DTX4: variants seen among roughly 807,000 people sequenced by gnomAD.
DTX4 encodes deltex E3 ubiquitin ligase 4, also known as E3 ubiquitin-protein ligase DTX4.
DTX4 carries 28 observed loss-of-function variants against 57.6 expected under a neutral mutation model. The observed-to-expected ratio is 0.49, with a 90% CI of 0.36 to 0.67. The LOEUF is 0.67. Ranked by LOEUF, DTX4 falls within the 30% of genes least tolerant of loss-of-function variation. DTX4 has a pLI of 0.00. For missense variants in DTX4, 715 were observed against 836.8 expected (o/e 0.85, Z 1.80); for synonymous variants, 316 against 331.0 (o/e 0.95, Z 0.49).
intron 7 of DTX4, 133 bp from the exon 8 acceptor site, chr11:59,199,551 T>C (rs1862715348): frequency 6.9e-6 from 5 of 722,028 alleles, no homozygotes; most frequent in Non-Finnish European, 1.2e-5. Context: ...ACAGTGCTTT[T>C]TGGGTCTGTT....
At position 59,182,275 on chromosome 11, in the gene DTX4, C is replaced by A; in HGVS notation, c.748C>A (p.Leu250Met). The A allele has an allele frequency of 6.2e-7, 1 of 1,612,346 alleles. No individual in the cohort carries two copies. The highest frequency in any genetic ancestry group is 1.1e-5 in the South Asian group (1 of 91,054). The change falls in exon 2 of 9, where the codon CTG becomes ATG. Residue 250 changes from leucine to methionine, a missense_variant. By Grantham distance (15) the Leu-to-Met change is conservative (BLOSUM62 2). Transcript: ENST00000227451. Reference protein sequence around the residue: ...LDSTGTIRGPLKTAPSQVIRR... With the variant: ...LDSTGTIRGPMKTAPSQVIRR... ...CAGCACAGGCACCATTCGAGGCCCA[C>A]TGAAGACCGCCCCATCGCAGGTGAT...
intron 1 of DTX4, among the ~76,000 whole-genome samples, 177 bp from the exon 2 acceptor site, chr11:59,181,562 A>G (rs1050347778): frequency 3.9e-5 from 6 of 152,206 alleles, no homozygotes; most frequent in Non-Finnish European, 8.8e-5. Context: ...GACTATAGAC[A>G]TCTTAAAGGG....
rs757057534 is a variant in DTX4 at position 59,182,289 on chromosome 11, A to G, written c.762A>G (p.Pro254=). The change falls in exon 2 of 9, where the codon CCA becomes CCG. Residue 254 remains proline (P), a synonymous_variant. Coordinates refer to ENST00000227451, the MANE Select transcript of DTX4 (RefSeq NM_015177.2). ...TTCGAGGCCCACTGAAGACCGCCCC[A>G]TCGCAGGTGATCCGGAGACAAGCCT... ...GTIRGPLKTA[P]SQVIRRQASS... 3.1e-6 allele frequency: 5 copies of G among 1,612,370 alleles called. No individual in the cohort carries two copies. The East Asian group carries it at 1.1e-4, about 36-fold the overall frequency.
At chr11:59,191,438 G>T (rs955256271) in intron 5 of DTX4, among the ~76,000 whole-genome samples, 1 of 152,228 alleles carries the variant, frequency 6.6e-6, no homozygotes, top group Non-Finnish European at 1.5e-5. Context: ...AGGAAAAACA[G>T]TGTGATAAGC....
At chr11:59,190,997 T>C in intron 4 of DTX4, 117 bp from the exon 5 acceptor site, 2 of 846,890 alleles carry the variant, frequency 2.4e-6, no homozygotes, top group Non-Finnish European at 3.7e-6. Context: ...AAGGAATTCC[T>C]CCCCTTTTTG....
Position 59,204,795 on chromosome 11 carries a change from T to G in DTX4, c.1746T>G (p.Phe582Leu), listed in dbSNP as rs1168545536. 3 of 1,613,328 alleles carry G rather than the reference T, an allele frequency of 1.9e-6. No homozygotes were observed. The highest frequency in any genetic ancestry group is 2.2e-5 in the East Asian group (1 of 44,880). The change falls in exon 9 of 9, where the codon TTT becomes TTG. Residue 582 changes from phenylalanine (F) to leucine (L), a missense_variant. Physicochemically the swap from Phe to Leu is conservative, Grantham distance 22. Coordinates refer to ENST00000227451, the MANE Select transcript of DTX4 (RefSeq NM_015177.2). ...IWNEVHHKTE[F>L]GSNLTGHGYP... ...ATGAGGTCCACCACAAGACAGAGTT[T>G]GGCTCTAATCTCACTGGCCATGGCT...
At chr11:59,190,583 C>T (rs963074197) in intron 4 of DTX4, among the ~76,000 whole-genome samples, 1 of 152,208 alleles carries the variant, frequency 6.6e-6, no homozygotes, top group African/African-American at 2.4e-5. Flanking sequence ...GATCACCCTT[C>T]CCCTGCTGCA....
chr11:59,174,449 G>T (rs990448735), intron 1 of DTX4, among the ~76,000 whole-genome samples: 4 of 143,614 alleles, frequency 2.8e-5, no homozygotes, highest in Admixed American at 7.2e-5. Context: ...TGGGACCAGA[G>T]AGAGAGAGAG....
chr11:59,173,584 T>A (rs1862357037), intron 1 of DTX4, among the ~76,000 whole-genome samples: 1 of 152,150 alleles, frequency 6.6e-6, no homozygotes, highest in East Asian at 1.9e-4. Flanking sequence ...AGGACGCAGA[T>A]TCCTAAGGAG....
chr11:59,198,844 G>A (rs1354414696), intron 7 of DTX4, among the ~76,000 whole-genome samples: 2 of 152,120 alleles, frequency 1.3e-5, no homozygotes, highest in Non-Finnish European at 2.9e-5. Context: ...TGGGGAGGAG[G>A]GGATTTGGTC....
rs183640528 is a variant in DTX4, at chr11:59,176,540, T to C, written c.211+3734T>C. On this transcript the variant is annotated intron_variant, in intron 1 of 8. Transcript: ENST00000227451. ...ATATAGCAATAATAGAGCATCCAAA[T>C]ATTTCTTTGTCCTTACGGAAAATTC... 2.6e-5 allele frequency among the ~76,000 whole-genome samples: 4 copies of C among 152,368 alleles called. No homozygotes were observed. In the East Asian group the frequency reaches 7.7e-4, roughly 29 times the overall value.
At chr11:59,173,463 A>G (rs1178970077) in intron 1 of DTX4, among the ~76,000 whole-genome samples, 1 of 152,194 alleles carries the variant, frequency 6.6e-6, no homozygotes, top group African/African-American at 2.4e-5. Context: ...TGCCTCTGCT[A>G]CACACTACAT....
intron 2 of DTX4, among the ~76,000 whole-genome samples, chr11:59,187,974 A>G (rs918102812): frequency 2.0e-5 from 3 of 152,204 alleles, no homozygotes; most frequent in Non-Finnish European, 2.9e-5. Context: ...GCTTTGGGAA[A>G]TGCAGCTTCT....
chr11:59,182,274 A>G lies in DTX4; in HGVS notation c.747A>G (p.Pro249=), dbSNP rs1862474923. ...ACAGCACAGGCACCATTCGAGGCCC[A>G]CTGAAGACCGCCCCATCGCAGGTGA... ...PLDSTGTIRG[P]LKTAPSQVIR... The change falls in exon 2 of 9, where the codon CCA becomes CCG. Residue 249 remains proline, a synonymous_variant. Coordinates refer to ENST00000227451, the MANE Select transcript of DTX4 (RefSeq NM_015177.2). 6.2e-7 allele frequency: 1 copy of G among 1,612,196 alleles called. No individual in the cohort carries two copies. Among genetic ancestry groups the G allele is most frequent in the Admixed American group, 1.7e-5 (1 of 59,984 alleles).
rs759505671 is a variant in DTX4 at position 59,192,154 on chromosome 11, G to C, written c.1278G>C (p.Gln426His). The C allele has an allele frequency of 1.6e-5, 26 of 1,613,850 alleles. No individual in the cohort carries two copies. Among genetic ancestry groups the C allele is most frequent in the Non-Finnish European group, 1.9e-5 (23 of 1,179,894 alleles). The change falls in exon 6 of 9, where the codon CAG becomes CAC. Residue 426 changes from glutamine (Q) to histidine (H), a missense_variant. Physicochemically the swap from Gln to His is conservative, Grantham distance 24. Coordinates refer to ENST00000227451, the MANE Select transcript of DTX4 (RefSeq NM_015177.2). ...CCCCCTCAGGCTACAAGGGCCCGCA[G>C]CCTACGGTAAAACCTGACCTGGTAG... ...LTAPSGYKGPQPTVKPDLVGK... is the reference protein window; with the variant it reads ...LTAPSGYKGPHPTVKPDLVGK...
intron 1 of DTX4, among the ~76,000 whole-genome samples, chr11:59,178,424 C>A (rs1355604440): frequency 6.6e-6 from 1 of 152,220 alleles, no homozygotes; most frequent in African/African-American, 2.4e-5. Context: ...CACTTGTCTT[C>A]TAACCCTGTT....
At chr11:59,189,394 C>T (rs1375122409) in intron 4 of DTX4, 71 bp downstream of exon 4, 31 of 1,426,904 alleles carry the variant, frequency 2.2e-5, no homozygotes, top group Non-Finnish European at 2.7e-5. Flanking sequence ...CTGCCTCAAC[C>T]TCCAAGGGTC....
At chr11:59,196,720 C>T (rs187283733) in intron 7 of DTX4, among the ~76,000 whole-genome samples, 3 of 152,200 alleles carry the variant, frequency 2.0e-5, no homozygotes, top group Admixed American at 1.3e-4. Context: ...GTGCATGTGA[C>T]GGATCTAGGT....
At chr11:59,200,467 T>C (rs1862727721) in intron 8 of DTX4, among the ~76,000 whole-genome samples, 1 of 152,160 alleles carries the variant, frequency 6.6e-6, no homozygotes, top group South Asian at 2.1e-4. Flanking sequence ...TGGCACCACA[T>C]AGGAGCTTGA....
Sources: gnomAD v4.1 joint callset for allele counts (sites outside exome capture counted in the v4.1 genomes callset) on GRCh38, gnomAD v4.1.1 for gene constraint, MANE v1.5 for transcripts, NCBI Gene and HGNC (gene_info 2026-07-23, HGNC 2026-07-21) for gene names.